The following RNF144A variants were observed in gnomAD, a reference collection of about 807,000 sequenced individuals.
RNF144A encodes ring finger protein 144A.
RNF144A carries 11 observed loss-of-function variants against 38.7 expected under a neutral mutation model. That is an observed-to-expected ratio of 0.28 (90% CI 0.18 to 0.47). The LOEUF (loss-of-function observed/expected upper bound fraction) is 0.47. RNF144A is among the 20% of genes least tolerant of loss of function. The probability of loss-of-function intolerance (pLI) is 0.99; values close to 1 mark genes in which losing one functional copy is unlikely to be tolerated. For missense variants in RNF144A, 316 were observed against 377.2 expected (o/e 0.84, Z 1.34); for synonymous variants, 149 against 143.9 (o/e 1.04, Z -0.25).
intron 6 of RNF144A, among the ~76,000 whole-genome samples, chr2:7,063,294 G>A (rs968050079): frequency 3.3e-5 from 5 of 152,164 alleles, no homozygotes; most frequent in Admixed American, 2.6e-4. Context: ...TGGAGTTTAC[G>A]GGGAGAAATA....
At chr2:6,975,352 A>T (rs1668247475) in intron 2 of RNF144A, among the ~76,000 whole-genome samples, 1 of 152,164 alleles carries the variant, frequency 6.6e-6, no homozygotes, top group South Asian at 2.1e-4. Flanking sequence ...TGTGAGAATT[A>T]TGGGAGCTAC....
intron 5 of RNF144A, among the ~76,000 whole-genome samples, chr2:7,018,470 A>C (rs1671291548): frequency 6.6e-6 from 1 of 152,146 alleles, no homozygotes; most frequent in Admixed American, 6.5e-5. Context: ...AGCTGCCTTT[A>C]GCCTTTGGCG....
At chr2:7,035,931 T>G (rs1003842617) in intron 8 of RNF144A, among the ~76,000 whole-genome samples, 8 of 152,216 alleles carry the variant, frequency 5.3e-5, no homozygotes, top group African/African-American at 1.9e-4. Flanking sequence ...AGTGATACAT[T>G]TTTTATTCAG....
chr2:6,935,843 C>T (rs1359863720), intron 1 of RNF144A, among the ~76,000 whole-genome samples: 1 of 152,246 alleles, frequency 6.6e-6, no homozygotes. Flanking sequence ...GCACACCTAC[C>T]CTAGGGCTTC....
downstream of RNF144A, chr2:7,044,186 G>T (rs777503512): frequency 5.1e-6 from 5 of 985,390 alleles, no homozygotes; most frequent in African/African-American, 1.7e-5. Context: ...TAAACCCCGC[G>T]TGGCTCCGTC....
At chr2:7,068,665 C>G (rs185777124), downstream of RNF144A, among the ~76,000 whole-genome samples, 5 of 152,064 alleles carry the variant, frequency 3.3e-5, no homozygotes, top group African/African-American at 1.2e-4. Context: ...CTGAGCATAA[C>G]GGAAGCAGCT....
chr2:7,059,004 C>A (rs750962383), intron 6 of RNF144A, among the ~76,000 whole-genome samples: 20 of 151,886 alleles, frequency 1.3e-4, no homozygotes, highest in Non-Finnish European at 2.1e-4. Context: ...GGAGTGGGAG[C>A]TTTTTGACAT....
chr2:6,917,857 CG>C lies in RNF144A; in HGVS notation c.-212+236del, dbSNP rs1416596764. The stretch of plus-strand genomic sequence containing the variant: ...CCTGCCCTGCCCGTGTCCCTGACCT[CG>C]TCCCTGCTCTGCTCCTGCCCTGCCC... On this transcript the variant is annotated intron_variant, in intron 1 of 8. Coordinates refer to ENST00000320892, the MANE Select transcript of RNF144A (RefSeq NM_014746.6). This position sits in a 1 kb window ranked among gnomAD's most constrained non-coding sequence, Gnocchi z 4.8. Among the ~76,000 whole-genome samples, 3 of 151,134 alleles carry C rather than the reference CG, an allele frequency of 2.0e-5. No homozygotes were observed. The highest frequency in any genetic ancestry group is 4.8e-5 in the African/African-American group (2 of 41,332).
At chr2:6,991,913 G>A (rs1669409420) in intron 2 of RNF144A, among the ~76,000 whole-genome samples, 1 of 152,132 alleles carries the variant, frequency 6.6e-6, no homozygotes, top group Non-Finnish European at 1.5e-5. Flanking sequence ...TCCTACCCTT[G>A]AATAATGTAT....
At chr2:6,930,931 C>T (rs966828661) in intron 1 of RNF144A, among the ~76,000 whole-genome samples, 5 of 152,172 alleles carry the variant, frequency 3.3e-5, no homozygotes, top group African/African-American at 9.7e-5. Context: ...CACCTTATGT[C>T]ATAAGTGGAC....
intron 7 of RNF144A, 111 bp downstream of exon 7, chr2:7,024,627 A>G (rs1050513215): frequency 2.5e-6 from 3 of 1,212,328 alleles, no homozygotes; most frequent in Middle Eastern, 2.1e-4. Context: ...ACTCCTGTGT[A>G]ACAGTGAAGC....
At chr2:6,988,928 G>T (rs576572552) in intron 2 of RNF144A, among the ~76,000 whole-genome samples, 63 of 151,752 alleles carry the variant, frequency 4.2e-4, no homozygotes, top group African/African-American at 1.5e-3. Flanking sequence ...CTGTTGCTCT[G>T]TTTTTTTTCA....
At chr2:6,924,422 C>T (rs576208218) in intron 1 of RNF144A, among the ~76,000 whole-genome samples, 3 of 152,322 alleles carry the variant, frequency 2.0e-5, no homozygotes, top group South Asian at 2.1e-4. Flanking sequence ...CCCATCCGAG[C>T]GCATGTCCTG....
intron 2 of RNF144A, among the ~76,000 whole-genome samples, chr2:6,985,941 T>G (rs1668932874): frequency 6.6e-6 from 1 of 152,218 alleles, no homozygotes; most frequent in Non-Finnish European, 1.5e-5. Flanking sequence ...CCCAAAATGC[T>G]AGGATTACAG....
intron 3 of RNF144A, among the ~76,000 whole-genome samples, chr2:7,006,157 G>A (rs1174632578): frequency 6.6e-6 from 1 of 151,962 alleles, no homozygotes; most frequent in Non-Finnish European, 1.5e-5. Flanking sequence ...CCATGAAGCA[G>A]AACAGCTTGA....
intron 8 of RNF144A, among the ~76,000 whole-genome samples, chr2:7,036,010 C>T (rs1203485780): frequency 6.6e-6 from 1 of 152,210 alleles, no homozygotes; most frequent in African/African-American, 2.4e-5. Flanking sequence ...TGCAAGACCG[C>T]ACGGTGGGCA....
At chr2:7,044,233 G>A, downstream of RNF144A, 2 of 943,712 alleles carry the variant, frequency 2.1e-6, no homozygotes, top group Non-Finnish European at 2.5e-6. Context: ...GCCTGAAGAT[G>A]GAAAATATTC....
chr2:7,029,036 A>G (rs905912201), intron 7 of RNF144A, among the ~76,000 whole-genome samples: 6 of 152,206 alleles, frequency 3.9e-5, no homozygotes, highest in Non-Finnish European at 8.8e-5. Flanking sequence ...GCAGCCCCCA[A>G]ACTGTCTTAC....
chr2:6,949,373 TCCCTCCCCTC>T lies in RNF144A; in HGVS notation c.-12+8241_-12+8250del, dbSNP rs538397709. Among the ~76,000 whole-genome samples, 861 of 150,466 alleles carry T rather than the reference TCCCTCCCCTC, an allele frequency of 5.7e-3. 4 individuals are homozygous for T. Among genetic ancestry groups the T allele is most frequent in the Non-Finnish European group, 7.6e-3 (517 of 67,708 alleles). On this transcript the variant is annotated intron_variant, in intron 2 of 8. Coordinates refer to ENST00000320892, the MANE Select transcript of RNF144A (RefSeq NM_014746.6). Reference sequence around the variant, plus strand: ...TAGCCTGGGGAAGGCATTTCACAGTTCCCTCCCCTCCCCTCCCCTCCCCTTCCTTTCCTTC... The same window carrying T: ...TAGCCTGGGGAAGGCATTTCACAGTTCCCTCCCCTCCCCTTCCTTTCCTTC...
Sources: allele counts gnomAD v4.1 joint callset (sites outside exome capture counted in the v4.1 genomes callset), GRCh38; gene constraint gnomAD v4.1.1; non-coding constraint Gnocchi (gnomAD v3.1); transcripts MANE v1.5; gene names NCBI Gene and HGNC (gene_info 2026-07-23, HGNC 2026-07-21).